Variants in NACC1 observed in about 807,000 individuals in gnomAD.
NACC1 encodes the protein nucleus accumbens-associated protein 1.
A neutral mutation model predicts 41.7 loss-of-function variants in NACC1; 6 were observed. The ratio of observed to expected loss-of-function variants is 0.14; its 90% confidence interval spans 0.08 to 0.28. NACC1 has a LOEUF of 0.28. Among genes scored for constraint, NACC1 ranks in the 10% least tolerant of loss-of-function variants. NACC1 has a pLI of 1.00. For synonymous variants in NACC1, 338 were observed against 330.6 expected, an observed-to-expected ratio of 1.02 and a Z score of -0.24; for missense variants, 434 against 763.7, an observed-to-expected ratio of 0.57 and a Z score of 5.09.
At position 13,137,999 on chromosome 19, in the gene NACC1, G is replaced by T. The variant is rs1467478227; in HGVS notation, c.1325-148G>T. On this transcript the variant is annotated intron_variant, in intron 5 of 5. Coordinates refer to ENST00000292431, the MANE Select transcript of NACC1 (RefSeq NM_052876.4). This position sits in a 1 kb window ranked among gnomAD's most constrained non-coding sequence, Gnocchi z 6.1. ...GCTGAACTCAGTCCGGTGTAGGGTT[G>T]GGTGCACGTAGTGTGGTGTCCTGGC... The T allele has an allele frequency of 1.8e-6, 2 of 1,093,670 alleles. No individual in the cohort carries two copies. Among genetic ancestry groups the T allele is most frequent in the East Asian group, 2.5e-5 (1 of 40,690 alleles). The allele number at this position is 1,093,670 out of a possible 1,614,324, so 67.7% of individuals were successfully genotyped here. A position where few individuals can be genotyped will look rare whatever the true frequency, so the allele number is the denominator to read the frequency against.
chr19:13,118,171 G>GGAGGGCGGGGCCC (rs2019420161), upstream of NACC1: 1 of 151,720 alleles, frequency 6.6e-6, no homozygotes, highest in Non-Finnish European at 1.5e-5. Context: ...GGCCTCGCCT[G>GGAGGGCGGGGCCC]GAGGGCGGGG....
chr19:13,130,459 A>G (rs2019619632), intron 1 of NACC1, among the ~76,000 whole-genome samples: 2 of 152,140 alleles, frequency 1.3e-5, no homozygotes, highest in African/African-American at 2.4e-5. Flanking sequence ...GAATAAAACC[A>G]GCCAGAATGT....
intron 1 of NACC1, among the ~76,000 whole-genome samples, chr19:13,122,778 G>T (rs1180092096): frequency 6.6e-6 from 1 of 152,152 alleles, no homozygotes; most frequent in African/African-American, 2.4e-5. Flanking sequence ...CATGAAATGT[G>T]CGAGGTCTGG....
chr19:13,134,082 G>A (rs1294618952), intron 1 of NACC1, among the ~76,000 whole-genome samples: 1 of 152,084 alleles, frequency 6.6e-6, no homozygotes, highest in Non-Finnish European at 1.5e-5. Context: ...TTGAGACAGT[G>A]TCTCTGTCTG....
chr19:13,122,221 C>G (rs1256467572), intron 1 of NACC1, among the ~76,000 whole-genome samples: 1 of 152,190 alleles, frequency 6.6e-6, no homozygotes, highest in African/African-American at 2.4e-5. Flanking sequence ...TTCTTAGAGA[C>G]CTGTGCGTCT....
intron 1 of NACC1, among the ~76,000 whole-genome samples, chr19:13,121,815 A>G (rs2019497841): frequency 6.6e-6 from 1 of 152,088 alleles, no homozygotes; most frequent in Admixed American, 6.5e-5. Flanking sequence ...TGCTCTCAGC[A>G]CTTGTACACA....
At chr19:13,132,941 C>T (rs989950678) in intron 1 of NACC1, among the ~76,000 whole-genome samples, 7 of 152,190 alleles carry the variant, frequency 4.6e-5, no homozygotes, top group African/African-American at 1.2e-4. Flanking sequence ...GGTTGTACCT[C>T]TGAGCCTTTG....
Position 13,136,162 on chromosome 19 carries a change from C to A in NACC1, c.946+9C>A. On this transcript the variant is annotated intron_variant, in intron 2 of 5. Transcript: ENST00000292431. This position sits in a 1 kb window ranked among gnomAD's most constrained non-coding sequence, Gnocchi z 5.5. ...GAACGTCGGCCAGACAGGTGAGGTGCCGTCCTGTCCCCCATCCCACCAGCC... is the reference window on the plus strand; with the variant it reads ...GAACGTCGGCCAGACAGGTGAGGTGACGTCCTGTCCCCCATCCCACCAGCC... 1 of 1,605,736 alleles carries A rather than the reference C, an allele frequency of 6.2e-7. No homozygotes were observed. Among genetic ancestry groups the A allele is most frequent in the Non-Finnish European group, 8.5e-7 (1 of 1,175,346 alleles).
At chr19:13,130,440 A>G (rs1028251373) in intron 1 of NACC1, among the ~76,000 whole-genome samples, 5 of 151,978 alleles carry the variant, frequency 3.3e-5, no homozygotes, top group African/African-American at 4.8e-5. Context: ...ATTCTAAAGA[A>G]CTAATCTTGA....
rs2019785743 is a variant in NACC1, at chr19:13,141,123, ATAAAC to A, written c.*2723_*2727del. 6.5e-6 allele frequency: 1 copy of A among 152,682 alleles called. No individual in the cohort carries two copies. The highest frequency in any genetic ancestry group is 6.5e-5 in the Admixed American group (1 of 15,284). 9.5% of individuals were successfully genotyped at this position (152,682 alleles called of 1,614,324 possible). Reference sequence around the variant, plus strand: ...GAGAATATCAGTGATACTGATGAGAATAAACTAAACGCCTTTGTAACAGCCTTGCC... The same window carrying A: ...GAGAATATCAGTGATACTGATGAGAATAAACGCCTTTGTAACAGCCTTGCC... On this transcript the variant is annotated 3_prime_UTR_variant, in exon 6 of 6. Coordinates refer to ENST00000292431, the MANE Select transcript of NACC1 (RefSeq NM_052876.4).
At position 13,139,952 on chromosome 19, in the gene NACC1, C is replaced by G. The variant is rs1473982551; in HGVS notation, c.*1546C>G. 1.3e-5 allele frequency: 2 copies of G among 152,320 alleles called. No homozygotes were observed. The highest frequency in any genetic ancestry group is 2.9e-5 in the Non-Finnish European group (2 of 68,168). The allele number at this position is 152,320 out of a possible 1,614,324, so 9.4% of individuals were successfully genotyped here. ...ATCTGCCTCCCCAACCCCCACCTAC[C>G]CACTGCTCCCAGGGGTCTCTCCAGG... On this transcript the variant is annotated 3_prime_UTR_variant, in exon 6 of 6. Coordinates refer to ENST00000292431, the MANE Select transcript of NACC1 (RefSeq NM_052876.4).
chr19:13,140,669 G>A lies in NACC1; in HGVS notation c.*2263G>A, dbSNP rs1310388011. On this transcript the variant is annotated 3_prime_UTR_variant, in exon 6 of 6. Coordinates refer to ENST00000292431, the MANE Select transcript of NACC1 (RefSeq NM_052876.4). The surrounding 1 kb of genome is among the most constrained non-coding windows in gnomAD (Gnocchi z 4.0). Reference sequence around the variant, plus strand: ...GGGTCGGGCAGGGGGTGCAGGGGAGGAAACTCCTCACCAGGAGAGCCAAAG... The same window carrying A: ...GGGTCGGGCAGGGGGTGCAGGGGAGAAAACTCCTCACCAGGAGAGCCAAAG... 6.6e-6 allele frequency: 1 copy of A among 152,296 alleles called. No homozygotes were observed. Among genetic ancestry groups the A allele is most frequent in the Admixed American group, 6.5e-5 (1 of 15,274 alleles). The allele number at this position is 152,296 out of a possible 1,614,324, so 9.4% of individuals were successfully genotyped here. A position where few individuals can be genotyped will look rare whatever the true frequency, so the allele number is the denominator to read the frequency against.
At chr19:13,124,894 CAT>C (rs1242388793) in intron 1 of NACC1, among the ~76,000 whole-genome samples, 1 of 151,424 alleles carries the variant, frequency 6.6e-6, no homozygotes, top group African/African-American at 2.4e-5. Context: ...GCCTGGGCAA[CAT>C]AGTGAGACCT....
intron 1 of NACC1, among the ~76,000 whole-genome samples, chr19:13,129,143 G>A (rs1305992904): frequency 6.6e-6 from 1 of 152,182 alleles, no homozygotes; most frequent in Non-Finnish European, 1.5e-5. Flanking sequence ...GGTATTCCAG[G>A]CAGGGTGCAC....
chr19:13,132,787 A>G (rs1258994218), intron 1 of NACC1, among the ~76,000 whole-genome samples: 3 of 152,184 alleles, frequency 2.0e-5, no homozygotes, highest in Non-Finnish European at 4.4e-5. Flanking sequence ...AATTTCTTGA[A>G]TGATCATTCA....
intron 1 of NACC1, among the ~76,000 whole-genome samples, chr19:13,130,734 C>T (rs2019624364): frequency 6.6e-6 from 1 of 152,180 alleles, no homozygotes; most frequent in African/African-American, 2.4e-5. Context: ...CGGGGTTTCA[C>T]CATGTTGGCC....
chr19:13,136,506 T>G lies in NACC1; in HGVS notation c.1120+101T>G. 1 of 1,366,030 alleles carries G rather than the reference T, an allele frequency of 7.3e-7. No homozygotes were observed. The highest frequency in any genetic ancestry group is 2.4e-5 in the East Asian group (1 of 41,446). The allele number at this position is 1,366,030 out of a possible 1,614,324, so 84.6% of individuals were successfully genotyped here. A position where few individuals can be genotyped will look rare whatever the true frequency, so the allele number is the denominator to read the frequency against. On this transcript the variant is annotated intron_variant, in intron 3 of 5. Coordinates refer to ENST00000292431, the MANE Select transcript of NACC1 (RefSeq NM_052876.4). The surrounding 1 kb of genome is among the most constrained non-coding windows in gnomAD (Gnocchi z 5.5). Reference sequence around the variant, plus strand: ...GTTAGGAGCCCCCAGCACCTCAGTTTCCCTATCTGTGCTGTAGTGTTGGTA... The same window carrying G: ...GTTAGGAGCCCCCAGCACCTCAGTTGCCCTATCTGTGCTGTAGTGTTGGTA...
intron 1 of NACC1, among the ~76,000 whole-genome samples, chr19:13,121,394 G>A (rs2019490922): frequency 6.6e-6 from 1 of 152,086 alleles, no homozygotes; most frequent in Non-Finnish European, 1.5e-5. Context: ...CCTGTCTCTG[G>A]GTCTCCTGGA....
intron 1 of NACC1, among the ~76,000 whole-genome samples, chr19:13,127,371 C>CTTTTTTTTTTTTTTTTTTTTTTTTT (rs147514422): frequency 3.5e-5 from 1 of 28,510 alleles, no homozygotes; most frequent in African/African-American, 1.3e-4. Context: ...TATACATATA[C>CTTTTTTTTTTTTTTTTTTTTTTTTT]TTTTTTTTTT....
Sources: gnomAD v4.1 joint callset for allele counts (sites outside exome capture counted in the v4.1 genomes callset) on GRCh38, gnomAD v4.1.1 for gene constraint, Gnocchi (gnomAD v3.1) non-coding constraint, MANE v1.5 for transcripts, NCBI Gene and HGNC (gene_info 2026-07-23, HGNC 2026-07-21) for gene names.